NPAS3: variants seen among roughly 807,000 people sequenced by gnomAD.
NPAS3 encodes neuronal PAS domain protein 3, also known as neuronal PAS domain-containing protein 3.
Under a neutral mutation model 73.1 loss-of-function variants are expected in NPAS3, and 14 were observed. The observed-to-expected ratio is 0.19, with a 90% confidence interval of 0.13 to 0.30. NPAS3 has a LOEUF of 0.30. NPAS3 is among the 10% of genes least tolerant of loss of function. The probability of loss-of-function intolerance (pLI) is 1.00; values close to 1 mark genes in which losing one functional copy is unlikely to be tolerated. For synonymous variants in NPAS3, 620 were observed against 541.5 expected (o/e 1.14, Z -2.01); for missense variants, 1,096 against 1,250.0 (o/e 0.88, Z 1.86).
At chr14:33,197,958 G>A (rs1166199039) in intron 2 of NPAS3, among the ~76,000 whole-genome samples, 1 of 152,074 alleles carries the variant, frequency 6.6e-6, no homozygotes, top group Non-Finnish European at 1.5e-5. Flanking sequence ...CGTGTTCGGA[G>A]TTTCTTCCTT....
At chr14:33,529,988 G>A (rs2053970109) in intron 4 of NPAS3, among the ~76,000 whole-genome samples, 2 of 152,088 alleles carry the variant, frequency 1.3e-5, no homozygotes, top group South Asian at 2.1e-4. Context: ...TGTCCCATTC[G>A]GTGAACAGGC....
intron 5 of NPAS3, among the ~76,000 whole-genome samples, chr14:33,620,708 GCC>G (rs1422491718): frequency 6.6e-6 from 1 of 152,058 alleles, no homozygotes; most frequent in African/African-American, 2.4e-5. Context: ...TATGTTTTAT[GCC>G]CATTCTTAGG....
intron 7 of NPAS3, among the ~76,000 whole-genome samples, chr14:33,765,297 TAAA>T (rs10552866): frequency 4.8e-5 from 7 of 145,378 alleles, no homozygotes; most frequent in Middle Eastern, 3.6e-3. Context: ...ATTTCTGCAT[TAAA>T]AAAAAAAAAA....
In NPAS3 at chr14:33,041,874, G is replaced by A. The variant is rs755238166; in HGVS notation, c.51-14031G>A. Among the ~76,000 whole-genome samples the A allele has an allele frequency of 2.6e-5, 4 of 152,122 alleles. No individual in the cohort carries two copies. In the East Asian group the frequency reaches 5.8e-4, roughly 22 times the overall value. On this transcript the variant is annotated intron_variant, in intron 1 of 11. Coordinates refer to ENST00000356141, the Ensembl canonical transcript of NPAS3. ...AGGTGGTTAGTTAGGCAGTCATGAC[G>A]GGTGAGGAGTCTGGTGTCTCACTGT...
At chr14:33,283,555 C>T (rs545377771) in intron 3 of NPAS3, among the ~76,000 whole-genome samples, 1 of 152,264 alleles carries the variant, frequency 6.6e-6, no homozygotes, top group South Asian at 2.1e-4. Context: ...ATCATCTGAC[C>T]ACATTTTCTT....
At chr14:33,446,518 G>C (rs10872876) in intron 4 of NPAS3, among the ~76,000 whole-genome samples, 30,037 of 152,116 alleles carry the variant, frequency 0.2, 3,508 homozygotes, top group East Asian at 0.55. Context: ...AGATATTCCT[G>C]AAATTCTTTC....
At chr14:33,071,522 C>G (rs1201200221) in intron 2 of NPAS3, among the ~76,000 whole-genome samples, 1 of 152,140 alleles carries the variant, frequency 6.6e-6, no homozygotes, top group Non-Finnish European at 1.5e-5. Flanking sequence ...ATCAAAACAA[C>G]TAATCATTAA....
intron 6 of NPAS3, among the ~76,000 whole-genome samples, chr14:33,682,273 G>A (rs571614151): frequency 2.0e-5 from 3 of 152,270 alleles, no homozygotes; most frequent in South Asian, 4.2e-4. Context: ...ACAAGTTCAC[G>A]AGTCCCCCAA....
In NPAS3 at chr14:33,226,086, C is replaced by T. The variant is rs1420849706; in HGVS notation, c.385+10660C>T. 3.3e-5 allele frequency among the ~76,000 whole-genome samples: 5 copies of T among 152,080 alleles called. No individual in the cohort carries two copies. In the East Asian group the frequency reaches 9.7e-4, roughly 29 times the overall value. On this transcript the variant is annotated intron_variant, in intron 3 of 11. Transcript: ENST00000356141. ...GATGTATATGCATTGTGTATGTCAC[C>T]GAAAAAATTAAGTGAAAAGTCATAT...
At chr14:33,767,356 G>A (rs892350127) in intron 7 of NPAS3, among the ~76,000 whole-genome samples, 1 of 152,038 alleles carries the variant, frequency 6.6e-6, no homozygotes, top group African/African-American at 2.4e-5. Flanking sequence ...ACCCGGCTAA[G>A]CCCTTATCTT....
At chr14:33,737,178 G>A (rs1379825820) in intron 7 of NPAS3, among the ~76,000 whole-genome samples, 1 of 152,176 alleles carries the variant, frequency 6.6e-6, no homozygotes, top group African/African-American at 2.4e-5. Flanking sequence ...AGCAAAGAAA[G>A]TGTGAGGGGG....
chr14:33,024,958 C>G (rs2138295203), intron 1 of NPAS3, among the ~76,000 whole-genome samples: 1 of 152,328 alleles, frequency 6.6e-6, no homozygotes, highest in South Asian at 2.1e-4. Context: ...CATTAAAATA[C>G]ATCCTATAGC....
chr14:33,016,593 G>A (rs1240807811), intron 1 of NPAS3, among the ~76,000 whole-genome samples: 3 of 132,178 alleles, frequency 2.3e-5, no homozygotes, highest in African/African-American at 8.2e-5. Context: ...ATTTAAAGTT[G>A]TGTATGGAAA....
intron 1 of NPAS3, among the ~76,000 whole-genome samples, chr14:32,977,356 G>GCACGCACACACACACACACACACA (rs71432100): frequency 1.4e-5 from 2 of 141,448 alleles, no homozygotes; most frequent in South Asian, 2.3e-4. Flanking sequence ...TCTCTGACAC[G>GCACGCACACACACACACACACACA]CACACACACA....
chr14:33,637,743 CTCATTATTAAGCACAAAACAAGGTA>C (rs1209473544), intron 5 of NPAS3, among the ~76,000 whole-genome samples: 55 of 152,094 alleles, frequency 3.6e-4, no homozygotes, highest in African/African-American at 1.1e-3. Flanking sequence ...TTTTATCCGT[CTCATTATTAAGCACAAAACAAGGTA>C]TCATTATTAC....
At chr14:33,232,691 C>CT (rs2139781846) in intron 3 of NPAS3, among the ~76,000 whole-genome samples, 1 of 152,256 alleles carries the variant, frequency 6.6e-6, no homozygotes, top group Admixed American at 6.5e-5. Flanking sequence ...CAATACTATT[C>CT]TTTTCCCCTT....
chr14:33,799,759 C>G, exon 12 of NPAS3: 3 of 1,587,598 alleles, frequency 1.9e-6, no homozygotes, highest in East Asian at 4.6e-5. Context: ...CCAAGTCCGA[C>G]GAGAAGGGGA....
intron 4 of NPAS3, among the ~76,000 whole-genome samples, chr14:33,406,896 C>T (rs576366359): frequency 1.3e-5 from 2 of 152,186 alleles, no homozygotes; most frequent in South Asian, 2.1e-4. Context: ...ACCACTGAAG[C>T]TACTAATTTG....
intron 4 of NPAS3, among the ~76,000 whole-genome samples, chr14:33,519,443 T>C (rs1003663961): frequency 6.6e-6 from 1 of 152,076 alleles, no homozygotes; most frequent in Non-Finnish European, 1.5e-5. Context: ...TAATTCCAAG[T>C]CTCGCCAGCT....
Sources: allele counts gnomAD v4.1 joint callset (sites outside exome capture counted in the v4.1 genomes callset), GRCh38; gene constraint gnomAD v4.1.1; transcripts MANE v1.5; gene names NCBI Gene and HGNC (gene_info 2026-07-23, HGNC 2026-07-21).